Variants in NSUN6 observed in about 807,000 individuals in gnomAD.
The protein encoded by NSUN6 is NOP2/Sun RNA methyltransferase 6.
In NSUN6, 64 loss-of-function variants were observed where a neutral mutation model predicts 58.0. That is an observed-to-expected ratio of 1.10 (90% CI 0.90 to 1.36). The LOEUF (loss-of-function observed/expected upper bound fraction) is 1.36, where lower values mean the gene tolerates loss of function less well. NSUN6 is among the 40% of genes most tolerant of loss of function. NSUN6 has a pLI of 0.00. For synonymous variants in NSUN6, 231 were observed against 193.9 expected (o/e 1.19, Z -1.59); for missense variants, 701 against 550.1 (o/e 1.27, Z -2.74).
At chr10:18,589,898 A>G (rs1247992882) in intron 7 of NSUN6, among the ~76,000 whole-genome samples, 2 of 152,220 alleles carry the variant, frequency 1.3e-5, no homozygotes, top group Admixed American at 6.5e-5. Flanking sequence ...GATCAAATTC[A>G]CACCTAACAA....
intron 3 of NSUN6, among the ~76,000 whole-genome samples, chr10:18,619,943 T>TA (rs2058543700): frequency 6.6e-6 from 1 of 152,190 alleles, no homozygotes. Flanking sequence ...CAATATATTA[T>TA]AAAACATCCC....
At chr10:18,562,129 G>C (rs771325782) in intron 8 of NSUN6, among the ~76,000 whole-genome samples, 6 of 151,080 alleles carry the variant, frequency 4.0e-5, no homozygotes, top group African/African-American at 1.5e-4. Flanking sequence ...GAATGGAATG[G>C]AGAATAGAAT....
intron 1 of NSUN6, among the ~76,000 whole-genome samples, chr10:18,649,472 A>G (rs2059641698): frequency 6.6e-6 from 1 of 151,982 alleles, no homozygotes; most frequent in Admixed American, 6.6e-5. Context: ...CAAACAATAC[A>G]AATATTATTA....
chr10:18,624,937 G>T (rs12357491), intron 3 of NSUN6, among the ~76,000 whole-genome samples: 2 of 152,068 alleles, frequency 1.3e-5, no homozygotes, highest in African/African-American at 2.4e-5. Flanking sequence ...TTTCCTTTCG[G>T]GAGTCTGGGA....
At chr10:18,604,515 G>A (rs2057972477) in intron 6 of NSUN6, among the ~76,000 whole-genome samples, 1 of 152,076 alleles carries the variant, frequency 6.6e-6, no homozygotes, top group Non-Finnish European at 1.5e-5. Flanking sequence ...CAGAATCGCA[G>A]AATCCACTCC....
intron 8 of NSUN6, among the ~76,000 whole-genome samples, chr10:18,563,279 G>T (rs1369553855): frequency 6.6e-6 from 1 of 150,898 alleles, no homozygotes; most frequent in African/African-American, 2.4e-5. Flanking sequence ...AGGGAATGGA[G>T]AATGGAATGG....
chr10:18,644,239 G>A (rs1244447861), intron 2 of NSUN6, among the ~76,000 whole-genome samples: 2 of 152,000 alleles, frequency 1.3e-5, no homozygotes, highest in Non-Finnish European at 2.9e-5. Flanking sequence ...TCACATAAAT[G>A]GAATACAAAC....
chr10:18,644,037 T>C (rs901383912), intron 2 of NSUN6, among the ~76,000 whole-genome samples: 1 of 152,186 alleles, frequency 6.6e-6, no homozygotes, highest in Non-Finnish European at 1.5e-5. Context: ...ATAATTTACA[T>C]ACCATAAATT....
At chr10:18,608,448 C>A (rs2058114921) in intron 6 of NSUN6, among the ~76,000 whole-genome samples, 2 of 152,008 alleles carry the variant, frequency 1.3e-5, no homozygotes, top group Admixed American at 1.3e-4. Context: ...CCAGCCTGGA[C>A]AATACGGCAA....
At position 18,586,737 on chromosome 10, in the gene NSUN6, G is replaced by A. The variant is rs188615632; in HGVS notation, c.778-644C>T. 1.2e-4 allele frequency among the ~76,000 whole-genome samples: 18 copies of A among 152,348 alleles called. No individual in the cohort carries two copies. In the East Asian group the frequency reaches 3.3e-3, roughly 28 times the overall value. ...GCAAGATTTATTGTGAAGAACGAAA[G>A]AACAAAGTTTCCACTATGTGGAAGG... On this transcript the variant is annotated intron_variant, in intron 7 of 10. Coordinates refer to ENST00000377304, the MANE Select transcript of NSUN6 (RefSeq NM_182543.5).
chr10:18,589,315 G>C (rs1589975432), intron 7 of NSUN6, among the ~76,000 whole-genome samples: 1 of 152,290 alleles, frequency 6.6e-6, no homozygotes, highest in East Asian at 1.9e-4. Flanking sequence ...GAAAGTGACA[G>C]GGAGAATGGA....
chr10:18,577,104 A>T (rs1225606043), intron 8 of NSUN6, among the ~76,000 whole-genome samples: 6 of 152,206 alleles, frequency 3.9e-5, no homozygotes, highest in Non-Finnish European at 8.8e-5. Context: ...GCGATTTATT[A>T]ACTACACTAC....
At chr10:18,587,116 C>T in intron 7 of NSUN6, among the ~76,000 whole-genome samples, 1 of 152,160 alleles carries the variant, frequency 6.6e-6, no homozygotes. Flanking sequence ...TTTTAATCAA[C>T]AAAACTCAAC....
chr10:18,601,060 C>T (rs2057820001), intron 6 of NSUN6, among the ~76,000 whole-genome samples: 1 of 147,792 alleles, frequency 6.8e-6, no homozygotes, highest in African/African-American at 2.5e-5. Context: ...TTTGGCCACT[C>T]ACCTTATGAA....
chr10:18,578,351 A>G (rs997668724), intron 8 of NSUN6, among the ~76,000 whole-genome samples: 1 of 149,776 alleles, frequency 6.7e-6, no homozygotes, highest in Admixed American at 6.8e-5. Flanking sequence ...CTGCTCCCTC[A>G]GCTTCCTGAG....
At chr10:18,593,022 A>C (rs2057437475) in intron 7 of NSUN6, among the ~76,000 whole-genome samples, 1 of 151,734 alleles carries the variant, frequency 6.6e-6, no homozygotes, top group Non-Finnish European at 1.5e-5. Context: ...AAGAAAAAAA[A>C]ATCCCATCAA....
Position 18,651,379 on chromosome 10 carries a change from C to A in NSUN6, c.-176G>T, listed in dbSNP as rs1267026289. Reference sequence around the variant, plus strand: ...GAGGTACACGCTTTCTCAAGCCTAGCCGATTAGAAGGGGCTGCCGGGCTTC... The same window carrying A: ...GAGGTACACGCTTTCTCAAGCCTAGACGATTAGAAGGGGCTGCCGGGCTTC... On this transcript the variant is annotated 5_prime_UTR_variant, in exon 1 of 11. Transcript: ENST00000377304. The A allele has an allele frequency of 2.3e-6, 3 of 1,316,248 alleles. No homozygotes were observed. The highest frequency in any genetic ancestry group is 2.1e-5 in the South Asian group (1 of 46,648). 81.5% of individuals were successfully genotyped at this position (1,316,248 alleles called of 1,614,324 possible).
chr10:18,643,627 AACT>A (rs753688562), intron 2 of NSUN6, among the ~76,000 whole-genome samples: 5 of 152,206 alleles, frequency 3.3e-5, no homozygotes, highest in African/African-American at 4.8e-5. Context: ...TCCAACAGAT[AACT>A]AATAAGCAAT....
At chr10:18,559,448 AGAATGGATTG>A (rs1387953912) in intron 8 of NSUN6, among the ~76,000 whole-genome samples, 5 of 150,374 alleles carry the variant, frequency 3.3e-5, no homozygotes, top group Non-Finnish European at 5.9e-5. Context: ...AACAGAATGG[AGAATGGATTG>A]GAATGGAATG....
Sources: gnomAD v4.1 joint callset for allele counts (sites outside exome capture counted in the v4.1 genomes callset) on GRCh38, gnomAD v4.1.1 for gene constraint, MANE v1.5 for transcripts, NCBI Gene and HGNC (gene_info 2026-07-23, HGNC 2026-07-21) for gene names.